ITIH2: variants seen among roughly 807,000 people sequenced by gnomAD.
The protein encoded by ITIH2 is inter-alpha-trypsin inhibitor heavy chain 2, also known as inter-alpha-trypsin inhibitor heavy chain H2.
A neutral mutation model predicts 104.4 loss-of-function variants in ITIH2; 103 were observed. The ratio of observed to expected loss-of-function variants is 0.99; its 90% CI spans 0.84 to 1.16. The LOEUF is 1.16. ITIH2 is among the 50% of genes most tolerant of loss of function. ITIH2 has a pLI of 0.00. For synonymous variants in ITIH2, 436 were observed against 435.4 expected, an observed-to-expected ratio of 1.00 and a Z score of -0.02; for missense variants, 1,108 against 1,162.4, an observed-to-expected ratio of 0.95 and a Z score of 0.68.
At position 7,735,101 on chromosome 10, in the gene ITIH2, G is replaced by A. The variant is rs1025803372; in HGVS notation, c.1957+10G>A. The A allele has an allele frequency of 6.3e-7, 1 of 1,597,028 alleles. No homozygotes were observed. ...CCCTCCTGCTGCTCAGGTCAGGGCT[G>A]CACCTGTGGGGACAAGTGGCCAGGC... On this transcript the variant is annotated intron_variant, in intron 15 of 20. Coordinates refer to ENST00000358415, the MANE Select transcript of ITIH2 (RefSeq NM_002216.3).
chr10:7,727,214 C>G (rs1834959015), intron 10 of ITIH2, 96 bp downstream of exon 10: 10 of 1,021,460 alleles, frequency 9.8e-6, no homozygotes, highest in Non-Finnish European at 1.1e-5. Flanking sequence ...TGGTCTTTCC[C>G]CAGCATTCGA....
At position 7,723,477 on chromosome 10, in the gene ITIH2, C is replaced by T; in HGVS notation, c.894C>T (p.Phe298=). Residue 298 remains phenylalanine (F), a synonymous_variant, in exon 9 of 21, where the codon TTC becomes TTT. Transcript: ENST00000358415. ...LEVFNGYFVH[F]FAPDNLDPIP... The stretch of plus-strand genomic sequence containing the variant: ...TGTTTAATGGATATTTTGTCCACTT[C>T]TTTGCTCCTGACAACCTGGACCCAA... 6.2e-7 allele frequency: 1 copy of T among 1,613,018 alleles called. No individual in the cohort carries two copies. Among genetic ancestry groups the T allele is most frequent in the Non-Finnish European group, 8.5e-7 (1 of 1,179,000 alleles).
intron 2 of ITIH2, 146 bp from the exon 3 acceptor site, chr10:7,707,055 A>G (rs564252705): frequency 9.7e-5 from 47 of 486,044 alleles, no homozygotes; most frequent in Non-Finnish European, 1.5e-4. Flanking sequence ...AGAATATTCA[A>G]TATTTATGTC....
chr10:7,726,623 G>A (rs1244998748), intron 9 of ITIH2, among the ~76,000 whole-genome samples: 2 of 152,142 alleles, frequency 1.3e-5, no homozygotes, highest in Non-Finnish European at 2.9e-5. Flanking sequence ...TTAAGAGACT[G>A]GGTGAGTAGA....
intron 9 of ITIH2, among the ~76,000 whole-genome samples, chr10:7,724,432 T>A (rs190915642): frequency 4.6e-5 from 7 of 150,824 alleles, no homozygotes; most frequent in Admixed American, 4.6e-4. Flanking sequence ...TAGCCAGGCG[T>A]GGTGGTGCAT....
At chr10:7,746,896 C>T (rs1281807754) in intron 20 of ITIH2, among the ~76,000 whole-genome samples, 192 bp downstream of exon 20, 2 of 130,090 alleles carry the variant, frequency 1.5e-5, no homozygotes, top group African/African-American at 2.7e-5. Context: ...CAAATAATGA[C>T]TGGGTATCTA....
chr10:7,715,636 T>C (rs1028132599), intron 5 of ITIH2, among the ~76,000 whole-genome samples: 2 of 152,188 alleles, frequency 1.3e-5, no homozygotes, highest in African/African-American at 4.8e-5. Flanking sequence ...CACGAGGCCA[T>C]GCTCATCTTT....
chr10:7,717,632 C>T lies in ITIH2; in HGVS notation c.474C>T (p.Ser158=), dbSNP rs7072478. Reference sequence around the variant, plus strand: ...TGGGGGCTTTCACCTTTAGGAGCAGCGCTCTTGATATGGAAAACTTCAGAA... The same window carrying T: ...TGGGGGCTTTCACCTTTAGGAGCAGTGCTCTTGATATGGAAAACTTCAGAA... ...KGKTAGLVRS[S]ALDMENFRTE... Residue 158 remains serine, a synonymous_variant, in exon 6 of 21, where the codon AGC becomes AGT. Transcript: ENST00000358415. 235,145 of 1,611,840 alleles carry T rather than the reference C, an allele frequency of 0.15. 18,273 individuals are homozygous for T. Among genetic ancestry groups the T allele is most frequent in the Admixed American group, 0.24 (14,595 of 59,998 alleles).
chr10:7,739,189 G>A (rs930747132), intron 16 of ITIH2, among the ~76,000 whole-genome samples: 1 of 152,180 alleles, frequency 6.6e-6, no homozygotes, highest in African/African-American at 2.4e-5. Flanking sequence ...CTGCCCCGGG[G>A]AAATGGGAGG....
intron 5 of ITIH2, among the ~76,000 whole-genome samples, chr10:7,717,243 C>A (rs953903870): frequency 1.3e-5 from 2 of 152,212 alleles, no homozygotes; most frequent in Admixed American, 6.5e-5. Context: ...TGAACCACCA[C>A]ACCCAGCCCA....
intron 15 of ITIH2, among the ~76,000 whole-genome samples, chr10:7,737,544 T>C (rs1454707757): frequency 1.5e-5 from 2 of 133,792 alleles, no homozygotes; most frequent in Non-Finnish European, 3.1e-5. Flanking sequence ...ATATAATATA[T>C]ATTATGTATT....
intron 9 of ITIH2, among the ~76,000 whole-genome samples, chr10:7,726,110 A>G (rs1266032826): frequency 6.6e-6 from 1 of 152,184 alleles, no homozygotes; most frequent in Non-Finnish European, 1.5e-5. Context: ...GTAGAGTGAC[A>G]GGGATGAAAA....
Position 7,709,148 on chromosome 10 carries a change from G to A in ITIH2, c.319G>A (p.Asp107Asn). ...NSPQPQNVVF[D>N]VQIPKGAFIS... ...CCCGCAGCCTCAGAATGTCGTGTTT[G>A]ATGTTCAGATCCCCAAAGGAGCATT... Residue 107 changes from aspartate (D) to asparagine (N), a missense_variant, in exon 4 of 21, where the codon GAT becomes AAT. Coordinates refer to ENST00000358415, the MANE Select transcript of ITIH2 (RefSeq NM_002216.3). 6.2e-7 allele frequency: 1 copy of A among 1,614,142 alleles called. No homozygotes were observed. The highest frequency in any genetic ancestry group is 8.5e-7 in the Non-Finnish European group (1 of 1,180,026).
chr10:7,724,570 CAAA>C lies in ITIH2; in HGVS notation c.984+1018_984+1020del, dbSNP rs374923183. On this transcript the variant is annotated intron_variant, in intron 9 of 20. Transcript: ENST00000358415. ...GGGCAACAAGAGCGAAACTCCATCT[CAAA>C]AAAAAAAAAAAAAAGAAGAGGAAGA... Among the ~76,000 whole-genome samples, 166 of 51,862 alleles carry C rather than the reference CAAA, an allele frequency of 3.2e-3. 4 individuals carry two copies. The highest frequency in any genetic ancestry group is 0.011 in the African/African-American group (137 of 12,480). 34.0% of individuals were successfully genotyped at this position (51,862 alleles called of 152,430 possible). A position where few individuals can be genotyped will look rare whatever the true frequency, so the allele number is the denominator to read the frequency against.
At chr10:7,714,729 C>T (rs1588451550) in intron 5 of ITIH2, among the ~76,000 whole-genome samples, 3 of 152,078 alleles carry the variant, frequency 2.0e-5, no homozygotes, top group Admixed American at 1.3e-4. Context: ...AGGGCTAATA[C>T]GGAAGAGAGG....
chr10:7,733,947 C>T (rs1044173268), intron 14 of ITIH2, among the ~76,000 whole-genome samples: 2 of 151,644 alleles, frequency 1.3e-5, no homozygotes, highest in Admixed American at 6.6e-5. Context: ...CCCTCTCTGA[C>T]AGAAGCACAC....
chr10:7,726,903 C>G (rs1338410610), intron 9 of ITIH2, 47 bp from the exon 10 acceptor site: 39 of 1,460,822 alleles, frequency 2.7e-5, no homozygotes, highest in Non-Finnish European at 3.2e-5. Context: ...TCCTCTGAGG[C>G]TCAGATTTTC....
At chr10:7,738,786 C>T (rs368810434) in intron 16 of ITIH2, 28 bp downstream of exon 16, 1 of 1,549,090 alleles carries the variant, frequency 6.5e-7, no homozygotes, top group Non-Finnish European at 8.7e-7. Context: ...CTTGCACGTC[C>T]CAGAACTCAG....
rs1395187439 is a variant in ITIH2 at position 7,717,355 on chromosome 10, G to C, written c.468-271G>C. Among the ~76,000 whole-genome samples the C allele has an allele frequency of 5.9e-5, 9 of 152,318 alleles. No individual in the cohort carries two copies. In the East Asian group the frequency reaches 1.5e-3, roughly 26 times the overall value. ...ATGTCAAATTCCTGGCCCAGGATAGGGGCCAATCCCTGGTAGTTTTTTGCA... is the reference window on the plus strand; with the variant it reads ...ATGTCAAATTCCTGGCCCAGGATAGCGGCCAATCCCTGGTAGTTTTTTGCA... On this transcript the variant is annotated intron_variant, in intron 5 of 20. Transcript: ENST00000358415.
Sources: gnomAD v4.1 joint callset for allele counts (sites outside exome capture counted in the v4.1 genomes callset) on GRCh38, gnomAD v4.1.1 for gene constraint, MANE v1.5 for transcripts, NCBI Gene and HGNC (gene_info 2026-07-23, HGNC 2026-07-21) for gene names.